Variants in EXOC7 observed in about 807,000 individuals in gnomAD.
EXOC7 encodes the protein exocyst complex component Exo70.
EXOC7 carries 51 observed loss-of-function variants against 87.6 expected under a neutral mutation model. That is an observed-to-expected ratio of 0.58 (90% CI 0.46 to 0.73). EXOC7 has a LOEUF of 0.73. Ranked by LOEUF, EXOC7 falls within the 30% of genes least tolerant of loss-of-function variation. The pLI is 0.00. For missense variants in EXOC7, 744 were observed against 888.4 expected (o/e 0.84, Z 2.07); for synonymous variants, 327 against 357.1 (o/e 0.92, Z 0.95).
At chr17:76,096,200 G>C (rs968759657) in intron 5 of EXOC7, among the ~76,000 whole-genome samples, 10 of 152,192 alleles carry the variant, frequency 6.6e-5, no homozygotes, top group African/African-American at 2.4e-4. Context: ...CACAAACAAA[G>C]AGAAGAGTTG....
intron 4 of EXOC7, chr17:76,101,004 C>G (rs1353915758): frequency 1.3e-5 from 6 of 472,896 alleles, no homozygotes; most frequent in Non-Finnish European, 1.4e-5. Context: ...ACAACAACAA[C>G]AACAAATCAA....
Position 76,082,126 on chromosome 17 carries a change from T to C in EXOC7, c.*1522A>G. The C allele has an allele frequency of 6.7e-7, 1 of 1,493,924 alleles. No individual in the cohort carries two copies. The highest frequency in any genetic ancestry group is 1.3e-5 in the South Asian group (1 of 78,262). 92.5% of individuals were successfully genotyped at this position (1,493,924 alleles called of 1,614,324 possible). ...TGGGGTGAGGGCACGGAGGTCCAGG[T>C]GTGGGTAGAGGCCCCTTGCATCCAC... On this transcript the variant is annotated 3_prime_UTR_variant, in exon 19 of 19. Coordinates refer to ENST00000589210, the MANE Select transcript of EXOC7 (RefSeq NM_001013839.4).
chr17:76,089,054 C>A lies in EXOC7; in HGVS notation c.1047+121G>T, dbSNP rs980728980. 2.1e-5 allele frequency: 31 copies of A among 1,501,250 alleles called. No individual in the cohort carries two copies. The East Asian group carries it at 7.0e-4, about 34-fold the overall frequency. 93.0% of individuals were successfully genotyped at this position (1,501,250 alleles called of 1,614,324 possible). A position where few individuals can be genotyped will look rare whatever the true frequency, so the allele number is the denominator to read the frequency against. On this transcript the variant is annotated intron_variant, in intron 8 of 18. Coordinates refer to ENST00000589210, the MANE Select transcript of EXOC7 (RefSeq NM_001013839.4). ...GGGGTGACGGGGAGGTGGTGAGCGT[C>A]CACCCAGGACCGGTCCCCAGGGCAC...
intron 2 of EXOC7, among the ~76,000 whole-genome samples, chr17:76,102,417 GACACACAC>G (rs3073225): frequency 0.029 from 4,191 of 144,080 alleles, 163 homozygotes; most frequent in African/African-American, 0.087. Context: ...TACACACACA[GACACACAC>G]ACACACACAC....
chr17:76,081,297 G>C lies in EXOC7; in HGVS notation c.*2351C>G. 1 of 1,614,038 alleles carries C rather than the reference G, an allele frequency of 6.2e-7. No individual in the cohort carries two copies. ...CCTCAGCGATGGAGTTAGAGTTCCA[G>C]GCCCACGTGGTGAACGAGATTGTGA... On this transcript the variant is annotated 3_prime_UTR_variant, in exon 19 of 19. Transcript: ENST00000589210.
chr17:76,103,506 C>A, intron 1 of EXOC7, 80 bp from the exon 2 acceptor site: 1 of 1,555,240 alleles, frequency 6.4e-7, no homozygotes, highest in South Asian at 1.2e-5. Flanking sequence ...ACGGCCTAGC[C>A]CCCAACCCCA....
chr17:76,087,952 C>A, intron 11 of EXOC7, 108 bp downstream of exon 11: 2 of 1,312,334 alleles, frequency 1.5e-6, no homozygotes, highest in African/African-American at 2.9e-5. Context: ...AAGGTGCGAG[C>A]GGCTCTGGGC....
Position 76,081,793 on chromosome 17 carries a change from C to A in EXOC7, c.*1855G>T. 6.2e-7 allele frequency: 1 copy of A among 1,613,398 alleles called. No homozygotes were observed. The highest frequency in any genetic ancestry group is 8.5e-7 in the Non-Finnish European group (1 of 1,179,484). The stretch of plus-strand genomic sequence containing the variant: ...CCCTTACCCAGTCTGCCCTGTTTCT[C>A]CCCGGTCACCCACTGGTGCTCAGCT... On this transcript the variant is annotated 3_prime_UTR_variant, in exon 19 of 19. Transcript: ENST00000589210.
At position 76,090,487 on chromosome 17, in the gene EXOC7, T is replaced by C. The variant is rs185136090; in HGVS notation, c.901+656A>G. The C allele has an allele frequency of 2.4e-3, 3,649 of 1,550,864 alleles. 6 individuals carry two copies. The highest frequency in any genetic ancestry group is 2.8e-3 in the Non-Finnish European group (3,263 of 1,146,696). On this transcript the variant is annotated intron_variant, in intron 7 of 18. Coordinates refer to ENST00000589210, the MANE Select transcript of EXOC7 (RefSeq NM_001013839.4). ...TGGGGTACAGGGAAGAAGCCCTTCA[T>C]CTCCAGGAGGGGGACGTCAGATGGG...
rs377309793 is a variant in EXOC7 at position 76,083,632 on chromosome 17, A to T, written c.*16T>A. 1.1e-5 allele frequency: 17 copies of T among 1,612,012 alleles called. No homozygotes were observed. The highest frequency in any genetic ancestry group is 1.4e-5 in the Non-Finnish European group (16 of 1,178,294). The stretch of plus-strand genomic sequence containing the variant: ...ACACGCCAGTCTGGTGGAACCAGGC[A>T]GGGCTAGCAGCAGGCTCAGGCAGAG... On this transcript the variant is annotated 3_prime_UTR_variant, in exon 19 of 19. Transcript: ENST00000589210.
In EXOC7 at chr17:76,085,553, G is replaced by C. The variant is rs201174280; in HGVS notation, c.1616+124C>G. On this transcript the variant is annotated intron_variant, in intron 14 of 18. Coordinates refer to ENST00000589210, the MANE Select transcript of EXOC7 (RefSeq NM_001013839.4). ...CCCACCTTCCGGGTCCTGGGGTGGA[G>C]GAGACTGAAGCACCCCCTCCCCTCT... 22 of 1,541,886 alleles carry C rather than the reference G, an allele frequency of 1.4e-5. No individual in the cohort carries two copies. In the East Asian group the frequency reaches 4.9e-4, roughly 35 times the overall value.
intron 1 of EXOC7, 47 bp downstream of exon 1, chr17:76,103,586 G>A: frequency 6.2e-7 from 1 of 1,608,624 alleles, no homozygotes; most frequent in Non-Finnish European, 8.5e-7. Context: ...CCCGCTGTTG[G>A]CCCCTTTCCC....
At chr17:76,103,106 AG>A (rs2068154504) in intron 2 of EXOC7, 1 of 530,790 alleles carries the variant, frequency 1.9e-6, no homozygotes, top group Admixed American at 3.3e-5. Flanking sequence ...GAAGGAGAGA[AG>A]GAAGAATGGC....
intron 5 of EXOC7, among the ~76,000 whole-genome samples, chr17:76,096,101 A>G (rs986846729): frequency 6.6e-6 from 1 of 152,214 alleles, no homozygotes; most frequent in African/African-American, 2.4e-5. Context: ...CAACGTGTTC[A>G]TGTGATCAGA....
In EXOC7 at chr17:76,088,475, C is replaced by T; in HGVS notation, c.1288G>A (p.Asp430Asn). 1.9e-6 allele frequency: 3 copies of T among 1,613,862 alleles called. No individual in the cohort carries two copies. The highest frequency in any genetic ancestry group is 2.5e-6 in the Non-Finnish European group (3 of 1,179,912). The part of the protein sequence containing the change: ...IGAKALEDFA[D>N]NIKNDPDKEY... ...AGGACAGCAGGGACCTTGATGTTGT[C>T]TGCGAAGTCCTCCAGCGCTTTGGCA... The change falls in exon 10 of 19, where the codon GAC becomes AAC. Residue 430 changes from aspartate (D) to asparagine (N), a missense_variant. Asp to Asn is a conservative substitution (Grantham distance 23). Around this residue, in one of 3 missense-constraint regions of EXOC7, gnomAD observed 512 missense variants for 573.0 expected, o/e 0.89. Coordinates refer to ENST00000589210, the MANE Select transcript of EXOC7 (RefSeq NM_001013839.4).
intron 2 of EXOC7, 69 bp downstream of exon 2, chr17:76,103,292 C>T (rs963991427): frequency 3.4e-6 from 5 of 1,453,394 alleles, no homozygotes; most frequent in African/African-American, 2.8e-5. Flanking sequence ...GAACCGGAAC[C>T]GCCAGGTCGC....
rs201972335 is a variant in EXOC7 at position 76,101,286 on chromosome 17, C to T, written c.402G>A (p.Pro134=). 149 of 1,613,986 alleles carry T rather than the reference C, an allele frequency of 9.2e-5. No homozygotes were observed. The highest frequency in any genetic ancestry group is 8.2e-4 in the Middle Eastern group (5 of 6,062). ...EYFQDNSPDS[P]ELNKVKLLFE... is the part of the protein sequence containing the mutation. ...GACCCCTTACCACTTTGTTGAGTTC[C>T]GGGCTGTCTGGGCTGTTGTCCTGGA... The change falls in exon 4 of 19, where the codon CCG becomes CCA. Residue 134 remains proline (P), a synonymous_variant. Transcript: ENST00000589210.
Position 76,088,767 on chromosome 17 carries a change from A to G in EXOC7, c.1200+4T>C. 1.2e-6 allele frequency: 2 copies of G among 1,613,430 alleles called. No homozygotes were observed. Among genetic ancestry groups the G allele is most frequent in the Non-Finnish European group, 1.7e-6 (2 of 1,179,958 alleles). ...GTGTTTTTGAGGGCCCCTCGCCCAC[A>G]TACCTGGAGCACCTGGTCAAACTCA... On this transcript the variant is annotated splice_donor_region_variant and intron_variant, in intron 9 of 18. Coordinates refer to ENST00000589210, the MANE Select transcript of EXOC7 (RefSeq NM_001013839.4).
chr17:76,086,910 G>A, intron 12 of EXOC7: 1 of 1,550,886 alleles, frequency 6.4e-7, no homozygotes. Context: ...GTGAAAGGCA[G>A]TGCACACAGA....
Sources: allele counts gnomAD v4.1 joint callset (sites outside exome capture counted in the v4.1 genomes callset), GRCh38; gene constraint gnomAD v4.1.1; regional missense constraint gnomAD v4.1.1; transcripts MANE v1.5; gene names NCBI Gene and HGNC (gene_info 2026-07-23, HGNC 2026-07-21).